Variants in MUC6 observed in about 807,000 individuals in gnomAD.
The protein encoded by MUC6 is mucin 6, oligomeric mucus/gel-forming (gene/pseudogene).
Under a neutral mutation model 201.5 loss-of-function variants are expected in MUC6, and 188 were observed. That is an observed-to-expected ratio of 0.93 (90% CI 0.83 to 1.05). The LOEUF (loss-of-function observed/expected upper bound fraction) is 1.05. MUC6 is among the 50% of genes least tolerant of loss of function. The probability of loss-of-function intolerance (pLI) is 0.00; values close to 1 mark genes in which losing one functional copy is unlikely to be tolerated. For missense variants in MUC6, 2,706 were observed against 3,256.9 expected (o/e 0.83, Z 4.12); for synonymous variants, 1,228 against 1,389.4 (o/e 0.88, Z 2.58).
chr11:1,021,368 C>CTTTT (rs541461716), intron 26 of MUC6, 91 bp from the exon 27 acceptor site: 41 of 449,112 alleles, frequency 9.1e-5, no homozygotes, highest in South Asian at 3.0e-4. Context: ...TTCCTCTCTG[C>CTTTT]TTTTTTTTTT....
chr11:1,036,693 G>C lies in MUC6; in HGVS notation c.-38C>G. ...AGAGGAGCTCGCGCTGGGCCCGGCA[G>C]GCCTGCTGCTGCCATCCATGCGGCT... On this transcript the variant is annotated 5_prime_UTR_variant, in exon 1 of 33. Coordinates refer to ENST00000421673, the MANE Select transcript of MUC6 (RefSeq NM_005961.3). The C allele has an allele frequency of 6.5e-7, 1 of 1,540,144 alleles. No individual in the cohort carries two copies. Among genetic ancestry groups the C allele is most frequent in the South Asian group, 1.2e-5 (1 of 83,504 alleles).
Position 1,025,896 on chromosome 11 carries a change from T to C in MUC6, c.2708A>G (p.Asp903Gly). The change falls in exon 22 of 33, where the codon GAC becomes GGC. Residue 903 changes from aspartate (D) to glycine (G), a missense_variant. Transcript: ENST00000421673. The part of the protein sequence containing the change: ...ILATDVCGVN[D>G]SQPTFKILTE... ...CAGGATCTTGAAGGTGGGCTGTGAG[T>C]CGTTGACACCACAGACGTCCTGCAG... The C allele has an allele frequency of 6.2e-7, 1 of 1,611,708 alleles. No homozygotes were observed. The highest frequency in any genetic ancestry group is 8.5e-7 in the Non-Finnish European group (1 of 1,179,336).
At chr11:1,019,148 T>C in intron 30 of MUC6, 127 bp downstream of exon 30, 1 of 1,129,130 alleles carries the variant, frequency 8.9e-7, no homozygotes, top group Admixed American at 2.2e-5. Flanking sequence ...CCTACACTTT[T>C]GGGCTGCCTT....
chr11:1,031,606 C>A lies in MUC6; in HGVS notation c.483+1G>T. On this transcript the variant is annotated splice_donor_variant, in intron 4 of 32. Transcript: ENST00000421673. LOFTEE classifies it high-confidence loss of function. ...GCCCACCCTGGCCCTTCTCTCCTCA[C>A]CATGAGGTGGCTGTCAGGACCCCAC... 1 of 1,547,830 alleles carries A rather than the reference C, an allele frequency of 6.5e-7. No individual in the cohort carries two copies. Among genetic ancestry groups the A allele is most frequent in the Non-Finnish European group, 8.7e-7 (1 of 1,147,024 alleles).
intron 14 of MUC6, 22 bp from the exon 15 acceptor site, chr11:1,028,081 G>A (rs766353795): frequency 1.1e-5 from 17 of 1,555,444 alleles, no homozygotes; most frequent in East Asian, 4.8e-5. Context: ...AGGCCCGGGC[G>A]TGAGTCCCGG....
intron 26 of MUC6, among the ~76,000 whole-genome samples, chr11:1,022,991 T>C (rs557638389): frequency 6.6e-6 from 1 of 151,296 alleles, no homozygotes; most frequent in South Asian, 2.1e-4. Context: ...TGAATGTGGG[T>C]GAGTAAATGT....
At chr11:1,036,540 G>C in intron 1 of MUC6, 64 bp downstream of exon 1, 1 of 1,522,004 alleles carries the variant, frequency 6.6e-7, no homozygotes, top group East Asian at 2.5e-5. Flanking sequence ...AAGGCCCAGA[G>C]ACCCCCGCAC....
Position 1,029,526 on chromosome 11 carries a change from C to A in MUC6, c.1105G>T (p.Gly369Trp), listed in dbSNP as rs1228582644. The change falls in exon 9 of 33, where the codon GGG (glycine) becomes TGG (tryptophan). Residue 369 changes from glycine (G) to tryptophan (W), a missense_variant. Transcript: ENST00000421673. ...TGGCAGGCAGCTATTGTGACCTCCC[C>A]GGGGGCATACATGGCGCCGTGGAGC... The part of the protein sequence containing the change: ...CVLHGAMYAP[G>W]EVTIAACQTC... The A allele has an allele frequency of 1.2e-6, 2 of 1,612,472 alleles. No homozygotes were observed. The highest frequency in any genetic ancestry group is 1.1e-5 in the South Asian group (1 of 91,060).
At chr11:1,036,308 G>A (rs1321830838) in intron 1 of MUC6, among the ~76,000 whole-genome samples, 1 of 152,140 alleles carries the variant, frequency 6.6e-6, no homozygotes, top group Non-Finnish European at 1.5e-5. Flanking sequence ...CGGGAGTGCC[G>A]GACCCCACTC....
chr11:1,025,930 C>T lies in MUC6; in HGVS notation c.2689-15G>A, dbSNP rs370746360. The T allele has an allele frequency of 2.4e-5, 39 of 1,603,334 alleles. No homozygotes were observed. Among genetic ancestry groups the T allele is most frequent in the Admixed American group, 2.2e-4 (13 of 58,448 alleles). On this transcript the variant is annotated splice_polypyrimidine_tract_variant and intron_variant, in intron 21 of 32. Transcript: ENST00000421673. ...CCACAGACGTCCTGCAGGGAGAGGGCGCTGAGGAGGAGCCCTGGAGGCCGT... is the reference window on the plus strand; with the variant it reads ...CCACAGACGTCCTGCAGGGAGAGGGTGCTGAGGAGGAGCCCTGGAGGCCGT...
At chr11:1,021,462 C>T (rs1856806367) in intron 26 of MUC6, among the ~76,000 whole-genome samples, 185 bp from the exon 27 acceptor site, 1 of 151,806 alleles carries the variant, frequency 6.6e-6, no homozygotes, top group Non-Finnish European at 1.5e-5. Flanking sequence ...CCTCTGCCTC[C>T]TGGATTCACA....
rs1564846910 is a variant in MUC6, at chr11:1,034,420, C to T, written c.53-1345G>A. Among the ~76,000 whole-genome samples the T allele has an allele frequency of 2.0e-5, 3 of 152,226 alleles. No individual in the cohort carries two copies. In the South Asian group the frequency reaches 6.2e-4, roughly 32 times the overall value. On this transcript the variant is annotated intron_variant, in intron 1 of 32. Coordinates refer to ENST00000421673, the MANE Select transcript of MUC6 (RefSeq NM_005961.3). ...CTCACTCATCCCCCTCCTGGGGGTC[C>T]CAGTAGGTGTCATGGTCCTCAGCCC...
In MUC6 at chr11:1,028,406, A is replaced by G; in HGVS notation, c.1592-19T>C. 6.2e-7 allele frequency: 1 copy of G among 1,609,170 alleles called. No homozygotes were observed. The highest frequency in any genetic ancestry group is 1.1e-5 in the South Asian group (1 of 90,818). ...CAGAGCCCTGAGCCGGCGGGGCGTG[A>G]GCTCGACTTGAACCCATCCCTCCTG... On this transcript the variant is annotated intron_variant, in intron 13 of 32. Transcript: ENST00000421673.
In MUC6 at chr11:1,028,773, C is replaced by G. The variant is rs768893941; in HGVS notation, c.1464G>C (p.Thr488=). The part of the protein sequence containing the change: ...KWLPYKTRNI[T]VFRQTSTHLQ... ...GGTGGGTGGACGTCTGCCTGAAGACCGTGATGTTGCCTGCAGGACGCAGTG... is the reference window on the plus strand; with the variant it reads ...GGTGGGTGGACGTCTGCCTGAAGACGGTGATGTTGCCTGCAGGACGCAGTG... Residue 488 remains threonine (T), a synonymous_variant, in exon 13 of 33, where the codon ACG becomes ACC. Coordinates refer to ENST00000421673, the MANE Select transcript of MUC6 (RefSeq NM_005961.3). 1.2e-6 allele frequency: 2 copies of G among 1,610,904 alleles called. No homozygotes were observed. Among genetic ancestry groups the G allele is most frequent in the Non-Finnish European group, 8.5e-7 (1 of 1,179,710 alleles).
At chr11:1,035,856 C>T (rs1857204054) in intron 1 of MUC6, among the ~76,000 whole-genome samples, 1 of 152,124 alleles carries the variant, frequency 6.6e-6, no homozygotes, top group African/African-American at 2.4e-5. Flanking sequence ...TGGGCTGGTG[C>T]CTTGGTCGGC....
intron 8 of MUC6, 138 bp downstream of exon 8, chr11:1,030,075 C>G (rs1857064420): frequency 8.8e-7 from 1 of 1,140,236 alleles, no homozygotes; most frequent in Non-Finnish European, 1.2e-6. Flanking sequence ...TGTCCCAGGG[C>G]AAGAGGCGCC....
intron 24 of MUC6, 85 bp from the exon 25 acceptor site, chr11:1,024,188 G>T: frequency 6.7e-7 from 1 of 1,482,028 alleles, no homozygotes; most frequent in Non-Finnish European, 9.1e-7. Flanking sequence ...CCTCAGTGTG[G>T]TCAGGCCGGA....
chr11:1,016,064 A>T lies in MUC6; in HGVS notation c.6737T>A (p.Ile2246Asn), dbSNP rs763871433. 2.5e-6 allele frequency: 4 copies of T among 1,612,362 alleles called. No homozygotes were observed. The East Asian group carries it at 8.9e-5, about 36-fold the overall frequency. The change falls in exon 31 of 33, where the codon ATT becomes AAT. Residue 2246 changes from isoleucine (I) to asparagine (N), a missense_variant. Around this residue, in one of 10 missense-constraint regions of MUC6, gnomAD observed 586 missense variants for 488.0 expected, o/e 1.20. Coordinates refer to ENST00000421673, the MANE Select transcript of MUC6 (RefSeq NM_005961.3). ...GGTCCTGGGCGTGGACGGAAATGCA[A>T]TGGTGCTGGAGGCTAGGTGGCTGGA... ...TPSSHLASST[I>N]AFPSTPRTTA...
At chr11:1,025,668 G>T in intron 22 of MUC6, 137 bp downstream of exon 22, 1 of 872,698 alleles carries the variant, frequency 1.1e-6, no homozygotes, top group Non-Finnish European at 1.8e-6. Flanking sequence ...GGGGCAGCAG[G>T]CACCCCTCAA....
Sources: allele counts gnomAD v4.1 joint callset (sites outside exome capture counted in the v4.1 genomes callset), GRCh38; gene constraint gnomAD v4.1.1; regional missense constraint gnomAD v4.1.1; transcripts MANE v1.5; gene names NCBI Gene and HGNC (gene_info 2026-07-23, HGNC 2026-07-21).